The following KCNAB1 variants were observed in gnomAD, a reference collection of about 807,000 sequenced individuals.
KCNAB1 encodes the protein voltage-gated potassium channel subunit beta-1.
A neutral mutation model predicts 64.6 loss-of-function variants in KCNAB1; 35 were observed. The observed-to-expected ratio is 0.54, with a 90% CI of 0.41 to 0.72. The LOEUF is 0.72. Ranked by LOEUF, KCNAB1 falls within the 30% of genes least tolerant of loss-of-function variation. KCNAB1 has a pLI of 0.00. For synonymous variants in KCNAB1, 177 were observed against 183.8 expected (o/e 0.96, Z 0.30); for missense variants, 401 against 512.9 (o/e 0.78, Z 2.11).
At chr3:156,338,303 C>CTTTTTTTTTTTTTTTTT in intron 1 of KCNAB1, among the ~76,000 whole-genome samples, 558 of 39,472 alleles carry the variant, frequency 0.014, 159 homozygotes, top group East Asian at 0.032. Flanking sequence ...GGCATTTGCA[C>CTTTTTTTTTTTTTTTTT]TTTTTTTTTT....
At chr3:156,161,263 A>G (rs548711153) in intron 1 of KCNAB1, among the ~76,000 whole-genome samples, 26 of 152,140 alleles carry the variant, frequency 1.7e-4, no homozygotes, top group African/African-American at 6.0e-4. Context: ...TGCTCACCAA[A>G]TCCTGTGGAT....
intron 8 of KCNAB1, among the ~76,000 whole-genome samples, chr3:156,505,941 A>G (rs900506194): frequency 4.6e-5 from 7 of 152,210 alleles, no homozygotes; most frequent in Admixed American, 1.3e-4. Flanking sequence ...AGATGATGCC[A>G]AACCATTCAT....
intron 1 of KCNAB1, among the ~76,000 whole-genome samples, chr3:156,258,674 C>A (rs2108475148): frequency 6.6e-6 from 1 of 152,292 alleles, no homozygotes; most frequent in East Asian, 1.9e-4. Flanking sequence ...TAAAATCGGG[C>A]AATCATTTGC....
intron 1 of KCNAB1, among the ~76,000 whole-genome samples, chr3:156,375,433 G>T (rs1172442840): frequency 7.4e-6 from 1 of 135,292 alleles, no homozygotes; most frequent in African/African-American, 3.3e-5. Context: ...ATGTTGCAAA[G>T]CTGGGAAGGG....
At chr3:156,480,510 C>T (rs1457675649) in intron 8 of KCNAB1, among the ~76,000 whole-genome samples, 1 of 150,502 alleles carries the variant, frequency 6.6e-6, no homozygotes, top group African/African-American at 2.4e-5. Context: ...CAAACTTGCA[C>T]GTCCTGCACA....
intron 1 of KCNAB1, among the ~76,000 whole-genome samples, chr3:156,177,529 AC>A (rs1228716577): frequency 2.4e-4 from 36 of 151,928 alleles, no homozygotes; most frequent in Non-Finnish European, 1.0e-4. Flanking sequence ...AGCGCCCGCC[AC>A]CCCGCCTGGC....
intron 10 of KCNAB1, 91 bp downstream of exon 10, chr3:156,515,311 T>A: frequency 8.4e-7 from 1 of 1,195,076 alleles, no homozygotes; most frequent in East Asian, 2.5e-5. Flanking sequence ...ATTGAAATGC[T>A]TTCCTAAATG....
intron 1 of KCNAB1, among the ~76,000 whole-genome samples, chr3:156,349,465 G>A (rs2108081446): frequency 6.6e-6 from 1 of 152,304 alleles, no homozygotes; most frequent in South Asian, 2.1e-4. Context: ...TGAGGCAATA[G>A]TTGGTCACCT....
intron 2 of KCNAB1, among the ~76,000 whole-genome samples, chr3:156,425,333 T>G (rs1210739667): frequency 6.6e-6 from 1 of 152,228 alleles, no homozygotes; most frequent in Non-Finnish European, 1.5e-5. Context: ...CAATTTTCCT[T>G]TTGGTGAACT....
intron 2 of KCNAB1, among the ~76,000 whole-genome samples, chr3:156,423,476 GC>G (rs1340382861): frequency 2.0e-5 from 3 of 152,166 alleles, no homozygotes; most frequent in African/African-American, 7.2e-5. Context: ...GGAATCAGAA[GC>G]AAAATCATCA....
intron 1 of KCNAB1, among the ~76,000 whole-genome samples, chr3:156,232,727 T>C (rs73012245): frequency 0.041 from 6,291 of 152,334 alleles, 230 homozygotes; most frequent in African/African-American, 0.088. Context: ...GGGACTATGA[T>C]TTTTAAAATA....
chr3:156,536,723 C>G lies in KCNAB1; in HGVS notation c.1236C>G (p.Tyr412Ter), dbSNP rs1719083515. The part of the protein sequence containing the change: ...EIDNILRNKP[Y>*]SKKDYRS ...ATAACATACTGCGCAACAAGCCCTA[C>G]AGCAAGAAGGACTATAGATCATAAG... is the stretch of plus-strand genomic sequence containing the variant. The change falls in exon 14 of 14, where the codon TAC becomes TAG. Residue 412 changes from tyrosine (Y) to a stop codon, truncating the protein, a stop_gained. Coordinates refer to ENST00000490337, the MANE Select transcript of KCNAB1 (RefSeq NM_172160.3). LOFTEE classifies it high-confidence loss of function. 5 of 1,611,736 alleles carry G rather than the reference C, an allele frequency of 3.1e-6. No homozygotes were observed. Among genetic ancestry groups the G allele is most frequent in the Non-Finnish European group, 4.2e-6 (5 of 1,177,810 alleles).
rs561803207 is a variant in KCNAB1, at chr3:156,461,268, G to A, written c.482+1397G>A. Among the ~76,000 whole-genome samples, 5 of 152,294 alleles carry A rather than the reference G, an allele frequency of 3.3e-5. No individual in the cohort carries two copies. The South Asian group carries it at 1.0e-3, about 32-fold the overall frequency. On this transcript the variant is annotated intron_variant, in intron 5 of 13. Transcript: ENST00000490337. Reference sequence around the variant, plus strand: ...TGGAGGCCAGAAATCCAAAATCAAGGTTTGACTTCAGGGTTGGCAGGGCCA... The same window carrying A: ...TGGAGGCCAGAAATCCAAAATCAAGATTTGACTTCAGGGTTGGCAGGGCCA...
chr3:156,223,395 G>C lies in KCNAB1; in HGVS notation c.275+102509G>C, dbSNP rs147294773. On this transcript the variant is annotated intron_variant, in intron 1 of 13. Transcript: ENST00000490337. Reference sequence around the variant, plus strand: ...CCTGCTGATTGGTCCATTTTACAGAGAGCCGATTAGTCTGTTTTACAGAGA... The same window carrying C: ...CCTGCTGATTGGTCCATTTTACAGACAGCCGATTAGTCTGTTTTACAGAGA... 7.5e-4 allele frequency among the ~76,000 whole-genome samples: 114 copies of C among 152,318 alleles called. 4 individuals are homozygous for C. In the East Asian group the frequency reaches 0.021, roughly 28 times the overall value.
rs868510879 is a variant in KCNAB1 at position 156,281,751 on chromosome 3, G to A, written c.276-139865G>A. 5.2e-3 allele frequency among the ~76,000 whole-genome samples: 786 copies of A among 151,050 alleles called. 5 individuals carry two copies. The highest frequency in any genetic ancestry group is 0.018 in the African/African-American group (740 of 41,154). ...CTTCTAGATTTTCTAGTTTATTTGCGTAGAGGTGTTTGTAGTATTCCCTGA... is the reference window on the plus strand; with the variant it reads ...CTTCTAGATTTTCTAGTTTATTTGCATAGAGGTGTTTGTAGTATTCCCTGA... On this transcript the variant is annotated intron_variant, in intron 1 of 13. Transcript: ENST00000490337.
rs141236231 is a variant in KCNAB1, at chr3:156,321,438, C to T, written c.276-100178C>T. On this transcript the variant is annotated intron_variant, in intron 1 of 13. Transcript: ENST00000490337. ...TCTATTATCTCATTCTAAAGATGCA[C>T]GAACTCAGAGTTCAACTTGTCAGGA... is the stretch of plus-strand genomic sequence containing the variant. Among the ~76,000 whole-genome samples the T allele has an allele frequency of 7.0e-3, 1,066 of 152,256 alleles. 8 individuals carry two copies. The highest frequency in any genetic ancestry group is 0.01 in the Non-Finnish European group (686 of 68,010).
In KCNAB1 at chr3:156,201,583, G is replaced by A. The variant is rs114699277; in HGVS notation, c.275+80697G>A. On this transcript the variant is annotated intron_variant, in intron 1 of 13. Coordinates refer to ENST00000490337, the MANE Select transcript of KCNAB1 (RefSeq NM_172160.3). Reference sequence around the variant, plus strand: ...CCAGCAGCAGTGTCAGCGCAGGGGCGGGGGACTAGCAGGGGCAGGGCTGGC... The same window carrying A: ...CCAGCAGCAGTGTCAGCGCAGGGGCAGGGGACTAGCAGGGGCAGGGCTGGC... Among the ~76,000 whole-genome samples, 914 of 152,320 alleles carry A rather than the reference G, an allele frequency of 6.0e-3. 11 individuals carry two copies. The highest frequency in any genetic ancestry group is 0.021 in the African/African-American group (869 of 41,574).
At chr3:156,264,112 T>C (rs771020734) in intron 1 of KCNAB1, among the ~76,000 whole-genome samples, 1 of 152,156 alleles carries the variant, frequency 6.6e-6, no homozygotes, top group Non-Finnish European at 1.5e-5. Flanking sequence ...ACATTTATAA[T>C]TGTCATATTT....
At chr3:156,289,028 T>C (rs893522590) in intron 1 of KCNAB1, among the ~76,000 whole-genome samples, 3 of 152,212 alleles carry the variant, frequency 2.0e-5, no homozygotes, top group African/African-American at 4.8e-5. Flanking sequence ...CTCTGTGTGG[T>C]CCTATGGGGG....
Sources: gnomAD v4.1 joint callset for allele counts (sites outside exome capture counted in the v4.1 genomes callset) on GRCh38, gnomAD v4.1.1 for gene constraint, MANE v1.5 for transcripts, NCBI Gene and HGNC (gene_info 2026-07-23, HGNC 2026-07-21) for gene names.